Variants in ZNF385B observed in about 807,000 individuals in gnomAD.
The protein encoded by ZNF385B is zinc finger protein 533.
A neutral mutation model predicts 39.2 loss-of-function variants in ZNF385B; 23 were observed. That is an observed-to-expected ratio of 0.59 (90% confidence interval 0.42 to 0.83). The LOEUF (loss-of-function observed/expected upper bound fraction) is 0.83. Ranked by LOEUF, ZNF385B falls within the 40% of genes least tolerant of loss-of-function variation. The pLI, the probability that ZNF385B is intolerant of heterozygous loss-of-function variation, is 0.00. For synonymous variants in ZNF385B, 205 were observed against 222.6 expected, an observed-to-expected ratio of 0.92 and a Z score of 0.70; for missense variants, 552 against 598.9, an observed-to-expected ratio of 0.92 and a Z score of 0.82.
chr2:179,790,948 C>T (rs575744631), intron 1 of ZNF385B, among the ~76,000 whole-genome samples: 5 of 152,284 alleles, frequency 3.3e-5, no homozygotes, highest in African/African-American at 9.6e-5. Flanking sequence ...CATTTTATTG[C>T]CTTGGGAAAA....
intron 3 of ZNF385B, among the ~76,000 whole-genome samples, chr2:179,607,509 G>A (rs1404203079): frequency 6.6e-6 from 1 of 152,156 alleles, no homozygotes; most frequent in Non-Finnish European, 1.5e-5. Context: ...GGAACTGTGA[G>A]TCAATTAAAC....
At chr2:179,541,285 G>T (rs988311693) in intron 4 of ZNF385B, among the ~76,000 whole-genome samples, 3 of 152,118 alleles carry the variant, frequency 2.0e-5, no homozygotes, top group Non-Finnish European at 4.4e-5. Flanking sequence ...ACCACTAAAA[G>T]AACACCATGA....
In ZNF385B at chr2:179,861,340, C is replaced by A; in HGVS notation, c.-394G>T. The A allele has an allele frequency of 6.6e-6, 1 of 150,834 alleles. No individual in the cohort carries two copies. Among genetic ancestry groups the A allele is most frequent in the South Asian group, 2.0e-4 (1 of 5,058 alleles). 9.3% of individuals were successfully genotyped at this position (150,834 alleles called of 1,614,324 possible). A position where few individuals can be genotyped will look rare whatever the true frequency, so the allele number is the denominator to read the frequency against. ...TGAACTGTCCAACTCTTGCCCGCGCCGGGCTTAAGCGCCCGGCCGCTGCCC... is the reference window on the plus strand; with the variant it reads ...TGAACTGTCCAACTCTTGCCCGCGCAGGGCTTAAGCGCCCGGCCGCTGCCC... On this transcript the variant is annotated 5_prime_UTR_variant, in exon 1 of 10. Coordinates refer to ENST00000410066, the MANE Select transcript of ZNF385B (RefSeq NM_152520.6).
At chr2:179,739,083 T>C (rs2106445853) in intron 3 of ZNF385B, among the ~76,000 whole-genome samples, 1 of 152,316 alleles carries the variant, frequency 6.6e-6, no homozygotes, top group Non-Finnish European at 1.5e-5. Context: ...TAGATTACTT[T>C]GGGAAGGTAC....
chr2:179,607,403 T>C (rs934000689), intron 3 of ZNF385B, among the ~76,000 whole-genome samples: 3 of 148,372 alleles, frequency 2.0e-5, no homozygotes, highest in Non-Finnish European at 4.4e-5. Flanking sequence ...ACCTCCTCCC[T>C]CACTGTCTCT....
At chr2:179,804,301 G>T (rs1706216660) in intron 1 of ZNF385B, among the ~76,000 whole-genome samples, 1 of 152,166 alleles carries the variant, frequency 6.6e-6, no homozygotes, top group Admixed American at 6.5e-5. Flanking sequence ...ATCAACACCT[G>T]AGGGACTCAA....
chr2:179,606,934 T>A (rs1165679115), intron 3 of ZNF385B, among the ~76,000 whole-genome samples: 1 of 152,092 alleles, frequency 6.6e-6, no homozygotes, highest in African/African-American at 2.4e-5. Flanking sequence ...TTGGGGAGTG[T>A]GTGCTATGTA....
intron 3 of ZNF385B, among the ~76,000 whole-genome samples, chr2:179,720,345 C>A (rs1700601850): frequency 6.9e-6 from 1 of 144,620 alleles, no homozygotes; most frequent in Non-Finnish European, 1.5e-5. Flanking sequence ...AGAACAGACA[C>A]AGGGTATTCC....
intron 3 of ZNF385B, among the ~76,000 whole-genome samples, chr2:179,595,933 T>A (rs1245827251): frequency 6.6e-6 from 1 of 152,138 alleles, no homozygotes; most frequent in Non-Finnish European, 1.5e-5. Flanking sequence ...ATCTACAGAA[T>A]ACAGCATTTT....
chr2:179,689,690 C>A (rs1698195394), intron 3 of ZNF385B, among the ~76,000 whole-genome samples: 1 of 152,052 alleles, frequency 6.6e-6, no homozygotes, highest in South Asian at 2.1e-4. Context: ...TACATCAGTG[C>A]CTCCTTTCTG....
In ZNF385B at chr2:179,557,459, C is replaced by A. The variant is rs1030046212; in HGVS notation, c.299-12490G>T. Reference sequence around the variant, plus strand: ...TAAAATAGCACAAGATTGATTATAACAGTTTATTTTATTTTATTACATATA... The same window carrying A: ...TAAAATAGCACAAGATTGATTATAAAAGTTTATTTTATTTTATTACATATA... On this transcript the variant is annotated intron_variant, in intron 3 of 9. Coordinates refer to ENST00000410066, the MANE Select transcript of ZNF385B (RefSeq NM_152520.6). Among the ~76,000 whole-genome samples the A allele has an allele frequency of 2.6e-5, 4 of 151,324 alleles. 1 individual carries two copies. The highest frequency in any genetic ancestry group is 7.3e-5 in the African/African-American group (3 of 41,158).
intron 6 of ZNF385B, among the ~76,000 whole-genome samples, chr2:179,459,090 A>G (rs898352998): frequency 1.3e-5 from 2 of 152,228 alleles, no homozygotes; most frequent in Non-Finnish European, 2.9e-5. Flanking sequence ...TCTTTTAAGA[A>G]AAATTTTGCA....
intron 5 of ZNF385B, among the ~76,000 whole-genome samples, chr2:179,508,514 G>A (rs560579832): frequency 2.0e-5 from 3 of 152,172 alleles, no homozygotes; most frequent in Admixed American, 1.3e-4. Flanking sequence ...ATCCTTCCAG[G>A]AATCTTTTAC....
At chr2:179,802,855 C>T (rs1706118577) in intron 1 of ZNF385B, among the ~76,000 whole-genome samples, 1 of 152,040 alleles carries the variant, frequency 6.6e-6, no homozygotes, top group Non-Finnish European at 1.5e-5. Flanking sequence ...TCTTTTACTG[C>T]TACCCAAAAG....
chr2:179,509,412 G>A (rs538600809), intron 5 of ZNF385B, among the ~76,000 whole-genome samples: 1 of 152,176 alleles, frequency 6.6e-6, no homozygotes, highest in African/African-American at 2.4e-5. Context: ...ACTTTGTTAT[G>A]AGCTTGTTAA....
intron 3 of ZNF385B, among the ~76,000 whole-genome samples, chr2:179,668,679 C>T (rs1477065918): frequency 6.8e-6 from 1 of 147,034 alleles, no homozygotes; most frequent in African/African-American, 2.5e-5. Flanking sequence ...AGAGGAGGGT[C>T]TACAAAAATT....
At chr2:179,744,475 A>T (rs889095543) in intron 3 of ZNF385B, among the ~76,000 whole-genome samples, 2 of 152,150 alleles carry the variant, frequency 1.3e-5, no homozygotes, top group African/African-American at 4.8e-5. Context: ...TGCTTTCAAA[A>T]GCACACAGTG....
intron 1 of ZNF385B, among the ~76,000 whole-genome samples, chr2:179,781,013 C>T (rs945872285): frequency 6.6e-6 from 1 of 152,176 alleles, no homozygotes; most frequent in Non-Finnish European, 1.5e-5. Context: ...CATGTGGTCA[C>T]CCTATGCTCA....
At chr2:179,493,616 C>T (rs1469307487) in intron 5 of ZNF385B, among the ~76,000 whole-genome samples, 1 of 134,940 alleles carries the variant, frequency 7.4e-6, no homozygotes, top group Non-Finnish European at 1.6e-5. Flanking sequence ...TATGTACGTA[C>T]ATATATGTAT....
Sources: allele counts gnomAD v4.1 joint callset (sites outside exome capture counted in the v4.1 genomes callset), GRCh38; gene constraint gnomAD v4.1.1; transcripts MANE v1.5; gene names NCBI Gene and HGNC (gene_info 2026-07-23, HGNC 2026-07-21).